The following PRKN variants were observed in gnomAD, a reference collection of about 807,000 sequenced individuals.
PRKN encodes the protein parkin RBR E3 ubiquitin protein ligase, also known as E3 ubiquitin-protein ligase parkin.
Under a neutral mutation model 59.5 loss-of-function variants are expected in PRKN, and 56 were observed. That is an observed-to-expected ratio of 0.94 (90% CI 0.76 to 1.18). The LOEUF is 1.18. Among genes scored for constraint, PRKN ranks in the 50% most tolerant of loss-of-function variants. The probability of loss-of-function intolerance (pLI) is 0.00; values close to 1 mark genes in which losing one functional copy is unlikely to be tolerated. For synonymous variants in PRKN, 250 were observed against 222.1 expected (o/e 1.13, Z -1.12); for missense variants, 657 against 596.4 (o/e 1.10, Z -1.06).
chr6:162,390,394 T>TATATATATATATATATATATATAG (rs1787112348), intron 2 of PRKN, among the ~76,000 whole-genome samples: 1 of 120,754 alleles, frequency 8.3e-6, no homozygotes, highest in Non-Finnish European at 1.6e-5. Flanking sequence ...TATATATATA[T>TATATATATATATATATATATATAG]ATACACACAC....
At chr6:162,586,424 T>C (rs549104703) in intron 1 of PRKN, among the ~76,000 whole-genome samples, 1 of 152,316 alleles carries the variant, frequency 6.6e-6, no homozygotes, top group Admixed American at 6.5e-5. Context: ...GTCAGAAATA[T>C]GTCTTTATAT....
At position 161,658,322 on chromosome 6, in the gene PRKN, G is replaced by A. The variant is rs78903150; in HGVS notation, c.872-88906C>T. 3.8e-3 allele frequency among the ~76,000 whole-genome samples: 582 copies of A among 152,146 alleles called. 18 individuals are homozygous for A. In the East Asian group the frequency reaches 0.067, roughly 17 times the overall value. On this transcript the variant is annotated intron_variant, in intron 7 of 11. Transcript: ENST00000366898. The stretch of plus-strand genomic sequence containing the variant: ...TGTTGGTCAATTATTACATGAGATC[G>A]CATCACCTTTCAATAAAGAGAAAAG...
chr6:162,021,575 A>C (rs1247575768), intron 5 of PRKN, among the ~76,000 whole-genome samples: 1 of 151,838 alleles, frequency 6.6e-6, no homozygotes, highest in Non-Finnish European at 1.5e-5. Context: ...TGCTCAGATA[A>C]GAAACATATT....
rs1007279877 is a variant in PRKN at position 161,386,718 on chromosome 6, T to G, written c.1167+76A>C. The stretch of plus-strand genomic sequence containing the variant: ...TGCTTTTTTAGAATGGAACTCTCCA[T>G]GACCTCCAGGAAACGGCTCCAGTCC... On this transcript the variant is annotated intron_variant, in intron 10 of 11. Coordinates refer to ENST00000366898, the MANE Select transcript of PRKN (RefSeq NM_004562.3). The surrounding 1 kb of genome is among the most constrained non-coding windows in gnomAD (Gnocchi z 4.3). The G allele has an allele frequency of 1.8e-6, 2 of 1,123,894 alleles. No homozygotes were observed. Among genetic ancestry groups the G allele is most frequent in the African/African-American group, 1.5e-5 (1 of 65,626 alleles). The allele number at this position is 1,123,894 out of a possible 1,614,324, so 69.6% of individuals were successfully genotyped here. A position where few individuals can be genotyped will look rare whatever the true frequency, so the allele number is the denominator to read the frequency against.
intron 9 of PRKN, among the ~76,000 whole-genome samples, chr6:161,506,639 G>C (rs1778182423): frequency 6.6e-6 from 1 of 152,226 alleles, no homozygotes; most frequent in Non-Finnish European, 1.5e-5. Flanking sequence ...CAGAAAGGAG[G>C]ATGATGCAGG....
intron 2 of PRKN, among the ~76,000 whole-genome samples, chr6:162,320,739 G>C (rs956202902): frequency 2.6e-5 from 4 of 151,452 alleles, no homozygotes; most frequent in African/African-American, 4.8e-5. Context: ...TTACCCAAAA[G>C]AAATGAAAGT....
Position 162,339,985 on chromosome 6 carries a change from G to C in PRKN, c.172-77220C>G, listed in dbSNP as rs557837946. 2.0e-4 allele frequency among the ~76,000 whole-genome samples: 30 copies of C among 147,732 alleles called. No individual in the cohort carries two copies. In the East Asian group the frequency reaches 5.8e-3, roughly 28 times the overall value. ...ACCAATCCCTAATCTCAAGTAATCA[G>C]GGACACAAACACTGCGGAAGGCCGC... is the stretch of plus-strand genomic sequence containing the variant. On this transcript the variant is annotated intron_variant, in intron 2 of 11. Transcript: ENST00000366898.
chr6:162,340,478 A>T (rs1163176561), intron 2 of PRKN, among the ~76,000 whole-genome samples: 1 of 152,238 alleles, frequency 6.6e-6, no homozygotes, highest in Non-Finnish European at 1.5e-5. Flanking sequence ...GATATCTAAT[A>T]GAGTATTGCT....
chr6:161,971,475 T>C (rs1322159702), intron 6 of PRKN, among the ~76,000 whole-genome samples: 3 of 152,226 alleles, frequency 2.0e-5, no homozygotes, highest in African/African-American at 7.2e-5. Context: ...AGTCAAGCCC[T>C]CGCTTTTAGC....
intron 4 of PRKN, among the ~76,000 whole-genome samples, chr6:162,098,181 G>T (rs1422634974): frequency 1.3e-5 from 2 of 151,998 alleles, no homozygotes; most frequent in African/African-American, 2.4e-5. Context: ...ATTTCATTTT[G>T]TAAGAGTTGC....
intron 6 of PRKN, among the ~76,000 whole-genome samples, chr6:161,949,765 C>G (rs945229958): frequency 6.6e-6 from 1 of 152,194 alleles, no homozygotes; most frequent in African/African-American, 2.4e-5. Context: ...TAACCTACTG[C>G]TGATACCACA....
rs184509303 is a variant in PRKN, at chr6:161,634,366, G to A, written c.872-64950C>T. 3.1e-3 allele frequency among the ~76,000 whole-genome samples: 472 copies of A among 152,280 alleles called. 3 individuals are homozygous for A. Among genetic ancestry groups the A allele is most frequent in the Non-Finnish European group, 5.1e-3 (346 of 68,024 alleles). ...CCTTTCCATAGGCAGACGGTGCTCT[G>A]AGCCTCCTGTATACAGTAGAATGGG... On this transcript the variant is annotated intron_variant, in intron 7 of 11. Coordinates refer to ENST00000366898, the MANE Select transcript of PRKN (RefSeq NM_004562.3).
chr6:162,379,174 C>A (rs923662053), intron 2 of PRKN, among the ~76,000 whole-genome samples: 1 of 151,948 alleles, frequency 6.6e-6, no homozygotes, highest in Non-Finnish European at 1.5e-5. Flanking sequence ...TTTTGCTTGA[C>A]CACATGATTT....
intron 1 of PRKN, among the ~76,000 whole-genome samples, chr6:162,596,210 G>A (rs1202293175): frequency 2.0e-5 from 3 of 151,998 alleles, no homozygotes; most frequent in Non-Finnish European, 2.9e-5. Context: ...CCCCCTTCCC[G>A]TGAAATTTTT....
intron 5 of PRKN, among the ~76,000 whole-genome samples, chr6:162,041,318 T>A (rs892569039): frequency 6.6e-6 from 1 of 152,182 alleles, no homozygotes; most frequent in African/African-American, 2.4e-5. Context: ...AAGAACTGAG[T>A]TGCTAAAATT....
intron 2 of PRKN, among the ~76,000 whole-genome samples, chr6:162,420,706 T>C (rs1788917476): frequency 6.6e-6 from 1 of 152,138 alleles, no homozygotes. Flanking sequence ...ATGAAGGACT[T>C]GTAGCTATGA....
chr6:162,305,010 G>A (rs1286687371), intron 2 of PRKN, among the ~76,000 whole-genome samples: 1 of 152,084 alleles, frequency 6.6e-6, no homozygotes, highest in African/African-American at 2.4e-5. Flanking sequence ...GACATTGTGA[G>A]ACCTCAGATA....
intron 1 of PRKN, among the ~76,000 whole-genome samples, chr6:162,544,741 G>A (rs1358534883): frequency 2.2e-5 from 3 of 137,058 alleles, no homozygotes; most frequent in South Asian, 2.3e-4. Flanking sequence ...GCAGTGGCGC[G>A]ATGTCGACTC....
At chr6:161,816,225 T>C (rs565758067) in intron 6 of PRKN, among the ~76,000 whole-genome samples, 1 of 151,988 alleles carries the variant, frequency 6.6e-6, no homozygotes, top group African/African-American at 2.4e-5. Flanking sequence ...CTTAAAATAA[T>C]GATGCTGTGT....
Sources: allele counts gnomAD v4.1 joint callset (sites outside exome capture counted in the v4.1 genomes callset), GRCh38; gene constraint gnomAD v4.1.1; non-coding constraint Gnocchi (gnomAD v3.1); transcripts MANE v1.5; gene names NCBI Gene and HGNC (gene_info 2026-07-23, HGNC 2026-07-21).